PCDHGA2: variants seen among roughly 807,000 people sequenced by gnomAD.
PCDHGA2 encodes protocadherin gamma subfamily A, 2, also known as protocadherin gamma-A2.
PCDHGA2 carries 40 observed loss-of-function variants against 59.2 expected under a neutral mutation model. The observed-to-expected ratio is 0.68, with a 90% CI of 0.52 to 0.88. The LOEUF (loss-of-function observed/expected upper bound fraction) is 0.88, where lower values mean the gene tolerates loss of function less well. Among genes scored for constraint, PCDHGA2 ranks in the 40% least tolerant of loss-of-function variants. The pLI is 0.00. For missense variants in PCDHGA2, 1,226 were observed against 1,204.0 expected, an observed-to-expected ratio of 1.02 and a Z score of -0.27; for synonymous variants, 560 against 526.0, an observed-to-expected ratio of 1.06 and a Z score of -0.89.
At chr5:141,423,572 G>A (rs1239529114) in intron 1 of PCDHGA2, 1 of 1,613,510 alleles carries the variant, frequency 6.2e-7, no homozygotes, top group Admixed American at 1.7e-5. Flanking sequence ...ACGCTCATCA[G>A]CCAGGAGAGC....
intron 1 of PCDHGA2, chr5:141,362,321 C>G (rs1762436189): frequency 1.2e-6 from 2 of 1,614,078 alleles, no homozygotes; most frequent in Non-Finnish European, 1.7e-6. Context: ...TGTTTTCAGC[C>G]TGGTCTCAGC....
At chr5:141,404,328 T>G (rs1300173055) in intron 1 of PCDHGA2, 3 of 1,613,902 alleles carry the variant, frequency 1.9e-6, no homozygotes, top group Non-Finnish European at 2.5e-6. Flanking sequence ...TCCTACTCAG[T>G]CTACCTCCCG....
chr5:141,419,370 A>T, intron 1 of PCDHGA2: 1 of 1,613,692 alleles, frequency 6.2e-7, no homozygotes, highest in Non-Finnish European at 8.5e-7. Context: ...CTGTCGTCCT[A>T]CGTGTCCGTG....
At chr5:141,351,068 A>G in intron 1 of PCDHGA2, 3 of 1,614,100 alleles carry the variant, frequency 1.9e-6, no homozygotes, top group East Asian at 2.2e-5. Flanking sequence ...GGATGAGGGC[A>G]TTAATGCAGA....
rs879045129 is a variant in PCDHGA2, at chr5:141,366,878, A to T, written c.2424+25483A>T. 2.5e-5 allele frequency: 33 copies of T among 1,341,426 alleles called. No homozygotes were observed. The South Asian group carries it at 4.2e-4, about 17-fold the overall frequency. The allele number at this position is 1,341,426 out of a possible 1,614,324, so 83.1% of individuals were successfully genotyped here. On this transcript the variant is annotated intron_variant, in intron 1 of 3. Transcript: ENST00000394576. Reference sequence around the variant, plus strand: ...ACATTATTTGCTGTATTGGAGATTAATTTTTTTTATATAATTCATGCTTTC... The same window carrying T: ...ACATTATTTGCTGTATTGGAGATTATTTTTTTTTATATAATTCATGCTTTC...
intron 1 of PCDHGA2, chr5:141,375,178 A>G: frequency 6.2e-7 from 1 of 1,613,980 alleles, no homozygotes; most frequent in Non-Finnish European, 8.5e-7. Context: ...CAGGAACAGT[A>G]ATCGCCCTTT....
chr5:141,383,961 C>CT, intron 1 of PCDHGA2: 1 of 1,613,356 alleles, frequency 6.2e-7, no homozygotes, highest in Non-Finnish European at 8.5e-7. Context: ...CTTTAAGTAG[C>CT]TCAATCCCTG....
chr5:141,430,705 T>C (rs914464861), intron 1 of PCDHGA2: 3 of 1,477,958 alleles, frequency 2.0e-6, no homozygotes, highest in African/African-American at 2.8e-5. Flanking sequence ...AAGGAACTGC[T>C]CCTGACTTCA....
chr5:141,371,143 A>T (rs199674539), intron 1 of PCDHGA2: 4 of 1,613,904 alleles, frequency 2.5e-6, no homozygotes, highest in Non-Finnish European at 3.4e-6. Context: ...TACAGGGTCA[A>T]TGTTGCAGAG....
rs775254727 is a variant in PCDHGA2 at position 141,352,609 on chromosome 5, G to A, written c.2424+11214G>A. 1.4e-5 allele frequency: 22 copies of A among 1,613,342 alleles called. No homozygotes were observed. The African/African-American group carries it at 2.8e-4, about 21-fold the overall frequency. On this transcript the variant is annotated intron_variant, in intron 1 of 3. Transcript: ENST00000394576. ...ATCTGCTGTGTGATGATCCTTCTAT[G>A]GTTGTATGTGCCAGTAATGAAGATC...
Position 141,340,919 on chromosome 5 carries a change from G to T in PCDHGA2, c.1948G>T (p.Gly650Cys), listed in dbSNP as rs374086757. The change falls in exon 1 of 4, where the codon GGC becomes TGC. Residue 650 changes from glycine (G) to cysteine (C), a missense_variant. Transcript: ENST00000394576. ...QSLVVAIQDH[G>C]QPPLSATVTL... ...CCTCGTGGTGGCCATCCAGGACCAC[G>T]GCCAGCCCCCTCTCTCCGCCACTGT... The T allele has an allele frequency of 6.2e-7, 1 of 1,613,660 alleles. No homozygotes were observed. The highest frequency in any genetic ancestry group is 1.3e-5 in the African/African-American group (1 of 74,936).
chr5:141,400,594 A>G (rs2150867049), intron 1 of PCDHGA2: 1 of 1,603,498 alleles, frequency 6.2e-7, no homozygotes, highest in Non-Finnish European at 8.5e-7. Context: ...AAACTATCGT[A>G]CATTTTCAAG....
At position 141,355,717 on chromosome 5, in the gene PCDHGA2, A is replaced by G. The variant is rs531471033; in HGVS notation, c.2424+14322A>G. On this transcript the variant is annotated intron_variant, in intron 1 of 3. Coordinates refer to ENST00000394576, the MANE Select transcript of PCDHGA2 (RefSeq NM_018915.4). The stretch of plus-strand genomic sequence containing the variant: ...AAACTCCCTGCAGGGTTACCAGCTC[A>G]ACTCAAACGGTTACTTTTCCCTGGA... 3.0e-5 allele frequency: 49 copies of G among 1,614,020 alleles called. No individual in the cohort carries two copies. The highest frequency in any genetic ancestry group is 1.3e-4 in the Admixed American group (8 of 60,030).
chr5:141,416,412 A>G (rs1391280535), intron 1 of PCDHGA2: 1 of 152,182 alleles, frequency 6.6e-6, no homozygotes, highest in Non-Finnish European at 1.5e-5. Flanking sequence ...TTTTTGTTAA[A>G]TTTTCTAGTG....
intron 1 of PCDHGA2, chr5:141,371,614 A>G: frequency 6.2e-7 from 1 of 1,614,024 alleles, no homozygotes; most frequent in Non-Finnish European, 8.5e-7. Flanking sequence ...TTGGTGACAG[A>G]TGGAGCCCTG....
chr5:141,370,405 G>T, intron 1 of PCDHGA2: 3 of 1,559,818 alleles, frequency 1.9e-6, no homozygotes, highest in Non-Finnish European at 2.6e-6. Flanking sequence ...ATGGGAAATA[G>T]CTCCGGATGG....
intron 1 of PCDHGA2, chr5:141,413,176 A>T: frequency 6.2e-7 from 1 of 1,601,892 alleles, no homozygotes; most frequent in Non-Finnish European, 8.5e-7. Context: ...CCAGACTACA[A>T]TGGCCGCTCA....
In PCDHGA2 at chr5:141,393,997, A is replaced by G. The variant is rs375314377; in HGVS notation, c.2424+52602A>G. ...CGTGATAATTTACCTTTTAAATTAG[A>G]AAAGTCAATAGGTAATTATTATAGA... On this transcript the variant is annotated intron_variant, in intron 1 of 3. Coordinates refer to ENST00000394576, the MANE Select transcript of PCDHGA2 (RefSeq NM_018915.4). 7.4e-6 allele frequency: 12 copies of G among 1,613,330 alleles called. 1 individual carries two copies. The African/African-American group carries it at 8.0e-5, about 11-fold the overall frequency.
chr5:141,413,157 A>T, intron 1 of PCDHGA2: 2 of 1,578,898 alleles, frequency 1.3e-6, no homozygotes, highest in Non-Finnish European at 1.7e-6. Flanking sequence ...ACTTTGCAGA[A>T]TTCTGTAACC....
Sources: gnomAD v4.1 joint callset for allele counts on GRCh38, gnomAD v4.1.1 for gene constraint, MANE v1.5 for transcripts, NCBI Gene and HGNC (gene_info 2026-07-23, HGNC 2026-07-21) for gene names.